SETBP1: variants seen among roughly 807,000 people sequenced by gnomAD.
SETBP1 encodes the protein SET binding protein 1.
SETBP1 carries 9 observed loss-of-function variants against 101.0 expected under a neutral mutation model. That is an observed-to-expected ratio of 0.09 (90% CI 0.05 to 0.16). SETBP1 has a LOEUF of 0.16. SETBP1 is among the 10% of genes least tolerant of loss of function. SETBP1 has a pLI of 1.00. For missense variants in SETBP1, 1,858 were observed against 2,033.8 expected, an observed-to-expected ratio of 0.91 and a Z score of 1.66; for synonymous variants, 818 against 788.5, an observed-to-expected ratio of 1.04 and a Z score of -0.63.
At chr18:44,784,634 C>T (rs2071199958) in intron 2 of SETBP1, among the ~76,000 whole-genome samples, 1 of 152,178 alleles carries the variant, frequency 6.6e-6, no homozygotes, top group South Asian at 2.1e-4. Flanking sequence ...TCTGTCTTTC[C>T]TGCTGGAAGT....
intron 4 of SETBP1, among the ~76,000 whole-genome samples, chr18:45,032,633 T>C (rs1568040054): frequency 2.0e-5 from 3 of 152,198 alleles, no homozygotes; most frequent in Admixed American, 6.5e-5. Flanking sequence ...GTGCCTGGCA[T>C]GGGAGGAGAA....
At chr18:44,829,686 T>C (rs114833634) in intron 2 of SETBP1, among the ~76,000 whole-genome samples, 159 of 152,292 alleles carry the variant, frequency 1.0e-3, no homozygotes, top group African/African-American at 3.7e-3. Context: ...AAATAAGATT[T>C]CTAAAAATCA....
chr18:44,917,146 A>G (rs1488245504), intron 3 of SETBP1, among the ~76,000 whole-genome samples: 1 of 152,248 alleles, frequency 6.6e-6, no homozygotes, highest in Non-Finnish European at 1.5e-5. Flanking sequence ...TATCAGGGAA[A>G]GGACACCCTT....
chr18:44,791,701 C>A (rs1251828689), intron 2 of SETBP1, among the ~76,000 whole-genome samples: 1 of 151,892 alleles, frequency 6.6e-6, no homozygotes, highest in African/African-American at 2.4e-5. Context: ...AACCAAAAGG[C>A]TGTATTTTCC....
intron 2 of SETBP1, among the ~76,000 whole-genome samples, chr18:44,703,414 T>C (rs2069156999): frequency 7.2e-6 from 1 of 138,724 alleles, no homozygotes; most frequent in African/African-American, 2.7e-5. Flanking sequence ...GCAGTTATTT[T>C]CAATAAAACC....
At chr18:45,051,576 A>T (rs945015153) in intron 5 of SETBP1, among the ~76,000 whole-genome samples, 9 of 152,148 alleles carry the variant, frequency 5.9e-5, no homozygotes, top group Non-Finnish European at 1.2e-4. Context: ...AAACTGCTCT[A>T]AAAAAGTCTA....
At chr18:44,830,339 G>A (rs75087516) in intron 2 of SETBP1, among the ~76,000 whole-genome samples, 4,938 of 152,222 alleles carry the variant, frequency 0.032, 278 homozygotes, top group African/African-American at 0.11. Flanking sequence ...CTAAATTCTT[G>A]TGCAAAACAG....
intron 3 of SETBP1, among the ~76,000 whole-genome samples, chr18:44,901,024 C>T (rs1311965573): frequency 6.6e-6 from 1 of 152,202 alleles, no homozygotes; most frequent in East Asian, 1.9e-4. Flanking sequence ...ATTCATTTAA[C>T]TCCACAAAAA....
intron 3 of SETBP1, among the ~76,000 whole-genome samples, chr18:44,936,344 G>A (rs116124016): frequency 4.2e-4 from 64 of 152,338 alleles, no homozygotes; most frequent in African/African-American, 1.5e-3. Context: ...CTGGAAGGAT[G>A]CAGCAGTGCC....
chr18:44,948,443 A>G (rs548765354), intron 3 of SETBP1, among the ~76,000 whole-genome samples: 2 of 152,226 alleles, frequency 1.3e-5, no homozygotes, highest in South Asian at 2.1e-4. Context: ...CCTATAAAGC[A>G]TAAGTTCTAT....
Position 45,063,670 on chromosome 18 carries a change from G to C in SETBP1, c.4763G>C (p.Arg1588Pro), listed in dbSNP as rs948065620. 1.2e-6 allele frequency: 2 copies of C among 1,608,580 alleles called. No individual in the cohort carries two copies. Among genetic ancestry groups the C allele is most frequent in the African/African-American group, 2.7e-5 (2 of 74,854 alleles). The stretch of plus-strand genomic sequence containing the variant: ...AAAGCCAAAAGGCAGAGGAAGTCCC[G>C]AGGGAGTGAGAGCGAGGTCCTTCCC... ...EVKAKRQRKSRGSESEVLP is the reference protein window; with the variant it reads ...EVKAKRQRKSPGSESEVLP Residue 1588 changes from arginine (R) to proline (P), a missense_variant, in exon 6 of 6, where the codon CGA becomes CCA. Transcript: ENST00000649279.
chr18:44,977,570 T>A (rs12966007), intron 4 of SETBP1, among the ~76,000 whole-genome samples: 32,215 of 152,272 alleles, frequency 0.21, 3,805 homozygotes, highest in East Asian at 0.54. Flanking sequence ...GAACTCAGTG[T>A]TGCCTGAACA....
intron 2 of SETBP1, among the ~76,000 whole-genome samples, chr18:44,794,383 T>G (rs1057009192): frequency 3.3e-5 from 5 of 152,160 alleles, no homozygotes; most frequent in African/African-American, 1.2e-4. Context: ...GAACTGGGAC[T>G]AGAAGCTTGC....
chr18:44,872,563 G>A (rs1202627257), intron 3 of SETBP1, among the ~76,000 whole-genome samples: 2 of 152,168 alleles, frequency 1.3e-5, no homozygotes, highest in South Asian at 2.1e-4. Context: ...CCTTTTGCAG[G>A]CTGAGATCTC....
intron 2 of SETBP1, among the ~76,000 whole-genome samples, chr18:44,761,567 A>G (rs142035218): frequency 1.3e-5 from 2 of 152,360 alleles, no homozygotes; most frequent in East Asian, 1.9e-4. Flanking sequence ...ACAGCACCCT[A>G]CTAATCCTGA....
At chr18:45,031,698 A>G (rs1340018714) in intron 4 of SETBP1, among the ~76,000 whole-genome samples, 1 of 152,198 alleles carries the variant, frequency 6.6e-6, no homozygotes, top group Non-Finnish European at 1.5e-5. Flanking sequence ...CTACCAAGCT[A>G]GGTGCCGGGG....
Position 45,038,530 on chromosome 18 carries a change from G to A in SETBP1, c.4046G>A (p.Ser1349Asn). Reference sequence around the variant, plus strand: ...AAAGTGGACCAGACAGCAGTGCATAGTAAGAACGAAGGCTCAGTGCCCACC... The same window carrying A: ...AAAGTGGACCAGACAGCAGTGCATAATAAGAACGAAGGCTCAGTGCCCACC... The part of the protein sequence containing the change: ...HLKVDQTAVH[S>N]KNEGSVPTMM... The change falls in exon 5 of 6, where the codon AGT (serine) becomes AAT (asparagine). Residue 1349 changes from serine to asparagine, a missense_variant. By Grantham distance (46) the Ser-to-Asn change is conservative (BLOSUM62 1). Transcript: ENST00000649279. The A allele has an allele frequency of 3.1e-6, 5 of 1,614,168 alleles. No homozygotes were observed. Among genetic ancestry groups the A allele is most frequent in the Non-Finnish European group, 4.2e-6 (5 of 1,180,014 alleles).
At chr18:44,906,414 G>T (rs1367716609) in intron 3 of SETBP1, among the ~76,000 whole-genome samples, 4 of 152,122 alleles carry the variant, frequency 2.6e-5, no homozygotes, top group Non-Finnish European at 5.9e-5. Context: ...GTACAAGTGA[G>T]AATCAAAGGG....
At chr18:44,977,163 G>C (rs553577844) in intron 4 of SETBP1, among the ~76,000 whole-genome samples, 1 of 152,110 alleles carries the variant, frequency 6.6e-6, no homozygotes, top group East Asian at 1.9e-4. Flanking sequence ...GTTTCCTTCT[G>C]TACTCACCAG....
Sources: gnomAD v4.1 joint callset for allele counts (sites outside exome capture counted in the v4.1 genomes callset) on GRCh38, gnomAD v4.1.1 for gene constraint, MANE v1.5 for transcripts, NCBI Gene and HGNC (gene_info 2026-07-23, HGNC 2026-07-21) for gene names.